TMEM163: variants seen among roughly 807,000 people sequenced by gnomAD.
The protein encoded by TMEM163 is transmembrane protein 163.
In TMEM163, 17 loss-of-function variants were observed where a neutral mutation model predicts 29.3. The observed-to-expected ratio is 0.58, with a 90% CI of 0.40 to 0.87. The LOEUF is 0.87. TMEM163 is among the 40% of genes least tolerant of loss of function. TMEM163 has a pLI of 0.00. For synonymous variants in TMEM163, 157 were observed against 160.6 expected, an observed-to-expected ratio of 0.98 and a Z score of 0.17; for missense variants, 303 against 381.5, an observed-to-expected ratio of 0.79 and a Z score of 1.71.
intron 2 of TMEM163, among the ~76,000 whole-genome samples, chr2:134,690,189 C>T (rs963968719): frequency 6.6e-6 from 1 of 152,078 alleles, no homozygotes; most frequent in Non-Finnish European, 1.5e-5. Flanking sequence ...CCCCGGCCTC[C>T]CAAAGTGCTG....
chr2:134,493,411 T>C (rs1324224841), intron 5 of TMEM163, among the ~76,000 whole-genome samples: 1 of 134,734 alleles, frequency 7.4e-6, no homozygotes. Context: ...TCTCACTCTG[T>C]CGCCCAGTCT....
chr2:134,604,227 C>T (rs1247750262), intron 2 of TMEM163, among the ~76,000 whole-genome samples: 1 of 152,146 alleles, frequency 6.6e-6, no homozygotes, highest in African/African-American at 2.4e-5. Context: ...ACGCCTGCTG[C>T]AGCACTGTTT....
At chr2:134,543,449 T>C (rs923993320) in intron 4 of TMEM163, among the ~76,000 whole-genome samples, 1 of 152,196 alleles carries the variant, frequency 6.6e-6, no homozygotes, top group Non-Finnish European at 1.5e-5. Flanking sequence ...TAGACAAGTG[T>C]GGAATAAATA....
intron 2 of TMEM163, among the ~76,000 whole-genome samples, chr2:134,685,805 A>G (rs558317765): frequency 2.0e-5 from 3 of 152,358 alleles, no homozygotes; most frequent in Admixed American, 2.0e-4. Context: ...ATTCTTGGGT[A>G]TGATTACACT....
At chr2:134,622,757 C>A (rs1682767542) in intron 2 of TMEM163, among the ~76,000 whole-genome samples, 1 of 152,040 alleles carries the variant, frequency 6.6e-6, no homozygotes, top group Non-Finnish European at 1.5e-5. Flanking sequence ...TAAATAAAAT[C>A]TCCACTTCTT....
intron 2 of TMEM163, among the ~76,000 whole-genome samples, chr2:134,693,501 C>T (rs1684517840): frequency 6.6e-6 from 1 of 151,122 alleles, no homozygotes; most frequent in South Asian, 2.1e-4. Context: ...CCTGGCTACT[C>T]AGGAGGTTGA....
intron 2 of TMEM163, among the ~76,000 whole-genome samples, chr2:134,578,556 C>CG (rs2104792458): frequency 6.6e-6 from 1 of 152,220 alleles, no homozygotes; most frequent in African/African-American, 2.4e-5. Flanking sequence ...GATTGGATAA[C>CG]GAAGAGCAAA....
At chr2:134,487,692 G>A (rs375163151) in intron 5 of TMEM163, among the ~76,000 whole-genome samples, 6 of 152,118 alleles carry the variant, frequency 3.9e-5, no homozygotes, top group African/African-American at 7.2e-5. Context: ...ATGGACCCAC[G>A]CATCCACAGA....
At chr2:134,679,631 A>G (rs1277485253) in intron 2 of TMEM163, among the ~76,000 whole-genome samples, 2 of 152,218 alleles carry the variant, frequency 1.3e-5, no homozygotes, top group African/African-American at 4.8e-5. Context: ...GGAGCTTTCG[A>G]AGACATTTTA....
intron 2 of TMEM163, 150 bp downstream of exon 2, chr2:134,713,050 C>G (rs1684959684): frequency 8.4e-7 from 1 of 1,188,182 alleles, no homozygotes; most frequent in African/African-American, 1.6e-5. Flanking sequence ...AGCCTTTTGA[C>G]TAATTTATCA....
At chr2:134,584,299 G>A (rs560866277) in intron 2 of TMEM163, among the ~76,000 whole-genome samples, 12 of 152,264 alleles carry the variant, frequency 7.9e-5, no homozygotes, top group South Asian at 4.1e-4. Flanking sequence ...GCCAAGAGAC[G>A]GCTGCATCAG....
At chr2:134,571,585 C>A (rs978413910) in intron 2 of TMEM163, among the ~76,000 whole-genome samples, 1 of 152,152 alleles carries the variant, frequency 6.6e-6, no homozygotes, top group African/African-American at 2.4e-5. Flanking sequence ...AAGAGGGACT[C>A]ACAGGACTCA....
At chr2:134,491,510 A>T (rs1423326157) in intron 5 of TMEM163, among the ~76,000 whole-genome samples, 1 of 152,132 alleles carries the variant, frequency 6.6e-6, no homozygotes, top group Non-Finnish European at 1.5e-5. Flanking sequence ...AGGCTTTCAG[A>T]TCCCAAATTC....
intron 5 of TMEM163, chr2:134,469,418 T>C (rs996763775): frequency 6.6e-6 from 1 of 151,990 alleles, no homozygotes; most frequent in Non-Finnish European, 1.5e-5. Context: ...AACCCCTCCC[T>C]CCCTCCACTG....
chr2:134,461,035 A>G (rs892500130), intron 6 of TMEM163, among the ~76,000 whole-genome samples: 138 of 152,230 alleles, frequency 9.1e-4, no homozygotes, highest in African/African-American at 3.3e-3. Context: ...GGCCTTCCCA[A>G]TCCGTCATTC....
intron 4 of TMEM163, among the ~76,000 whole-genome samples, chr2:134,506,493 G>A (rs1266763416): frequency 6.6e-6 from 1 of 152,318 alleles, no homozygotes; most frequent in South Asian, 2.1e-4. Context: ...TGGATGAGGG[G>A]TGGGGAGAGA....
chr2:134,633,069 T>G (rs1178992087), intron 2 of TMEM163, among the ~76,000 whole-genome samples: 1 of 152,076 alleles, frequency 6.6e-6, no homozygotes, highest in Non-Finnish European at 1.5e-5. Flanking sequence ...AGGCCCTACG[T>G]TCTTAATACC....
At chr2:134,591,247 C>G (rs2104802196) in intron 2 of TMEM163, among the ~76,000 whole-genome samples, 1 of 152,286 alleles carries the variant, frequency 6.6e-6, no homozygotes, top group East Asian at 1.9e-4. Flanking sequence ...CAACCTCACC[C>G]TTTGTGTCCA....
intron 2 of TMEM163, among the ~76,000 whole-genome samples, chr2:134,580,414 T>C (rs189149690): frequency 1.2e-4 from 18 of 152,310 alleles, no homozygotes; most frequent in Admixed American, 8.5e-4. Flanking sequence ...GAACATACTA[T>C]GTGGTGCTAT....
Sources: gnomAD v4.1 joint callset for allele counts (sites outside exome capture counted in the v4.1 genomes callset) on GRCh38, gnomAD v4.1.1 for gene constraint, MANE v1.5 for transcripts, NCBI Gene and HGNC (gene_info 2026-07-23, HGNC 2026-07-21) for gene names.